Variants in GARNL3 observed in about 807,000 individuals in gnomAD.
The protein encoded by GARNL3 is GTPase activating Rap/RanGAP domain like 3.
In GARNL3, 63 loss-of-function variants were observed where a neutral mutation model predicts 125.0. The observed-to-expected ratio is 0.50, with a 90% confidence interval of 0.41 to 0.62. GARNL3 has a LOEUF of 0.62. Among genes scored for constraint, GARNL3 ranks in the 20% least tolerant of loss-of-function variants. The pLI, the probability that GARNL3 is intolerant of heterozygous loss-of-function variation, is 0.00. For synonymous variants in GARNL3, 439 were observed against 457.5 expected, an observed-to-expected ratio of 0.96 and a Z score of 0.52; for missense variants, 994 against 1,244.0, an observed-to-expected ratio of 0.80 and a Z score of 3.02.
chr9:127,380,743 A>C (rs1832207008), intron 22 of GARNL3, among the ~76,000 whole-genome samples: 1 of 152,258 alleles, frequency 6.6e-6, no homozygotes, highest in African/African-American at 2.4e-5. Flanking sequence ...CCACAGACAC[A>C]GAAGCAAATA....
chr9:127,339,817 C>T, intron 13 of GARNL3, 66 bp downstream of exon 13: 2 of 966,490 alleles, frequency 2.1e-6, no homozygotes, highest in East Asian at 2.4e-5. Context: ...TTCAGATTCT[C>T]CCAGAATGCT....
chr9:127,372,860 T>C (rs1831683821), intron 22 of GARNL3, among the ~76,000 whole-genome samples: 1 of 152,222 alleles, frequency 6.6e-6, no homozygotes, highest in African/African-American at 2.4e-5. Flanking sequence ...CATTTGAATA[T>C]ACTTCCCAGT....
chr9:127,345,293 G>A (rs1830076733), intron 15 of GARNL3, 110 bp from the exon 16 acceptor site: 2 of 594,388 alleles, frequency 3.4e-6, no homozygotes, highest in Non-Finnish European at 5.8e-6. Context: ...AACCCGAAAT[G>A]TTAGCCTGCA....
chr9:127,254,205 A>G lies in GARNL3; in HGVS notation c.144-10747A>G, dbSNP rs182697824. On this transcript the variant is annotated intron_variant, in intron 2 of 10. Coordinates refer to the GARNL3 transcript ENST00000439286. ...CTAATTGAGGAGGTCTAGGGTAGGAACTGGACATTTACTGATTTAGATGAA... is the reference window on the plus strand; with the variant it reads ...CTAATTGAGGAGGTCTAGGGTAGGAGCTGGACATTTACTGATTTAGATGAA... 7.2e-4 allele frequency among the ~76,000 whole-genome samples: 109 copies of G among 152,346 alleles called. 1 individual carries two copies. Among genetic ancestry groups the G allele is most frequent in the African/African-American group, 2.5e-3 (106 of 41,574 alleles).
intron 1 of GARNL3, among the ~76,000 whole-genome samples, chr9:127,228,022 T>C (rs1166553074): frequency 1.3e-5 from 2 of 152,242 alleles, no homozygotes; most frequent in Admixed American, 1.3e-4. Context: ...ATAATACCAC[T>C]AGGTATTAAC....
intron 2 of GARNL3, among the ~76,000 whole-genome samples, chr9:127,309,415 C>G (rs922301148): frequency 1.3e-5 from 2 of 152,196 alleles, no homozygotes; most frequent in African/African-American, 4.8e-5. Flanking sequence ...ATTTAGCACT[C>G]TCTCAATGCA....
chr9:127,359,093 TCCCCCCACCCGCCG>T (rs1247103990), intron 21 of GARNL3, among the ~76,000 whole-genome samples: 1 of 142,946 alleles, frequency 7.0e-6, no homozygotes, highest in Non-Finnish European at 1.5e-5. Context: ...TGCCGCCCAC[TCCCCCCACCCGCCG>T]CCCCCCACTG....
intron 2 of GARNL3, among the ~76,000 whole-genome samples, chr9:127,298,009 TTTATTTGGTTAATAGAA>T: frequency 6.6e-6 from 1 of 152,356 alleles, no homozygotes; most frequent in East Asian, 1.9e-4. Flanking sequence ...GTGTATTGTT[TTTATTTGGTTAATAGAA>T]TTACTCACAC....
chr9:127,260,237 G>A (rs1380651616), upstream of GARNL3, among the ~76,000 whole-genome samples: 2 of 152,190 alleles, frequency 1.3e-5, no homozygotes, highest in Non-Finnish European at 2.9e-5. Context: ...CTTATAAAGA[G>A]TGCTACAGAA....
intron 6 of GARNL3, among the ~76,000 whole-genome samples, chr9:127,321,125 A>T (rs902581816): frequency 6.6e-6 from 1 of 152,164 alleles, no homozygotes; most frequent in Non-Finnish European, 1.5e-5. Flanking sequence ...AATTGTGTGG[A>T]ACATTAAAGA....
Position 127,393,114 on chromosome 9 carries a change from A to G in GARNL3, c.2902A>G (p.Thr968Ala), listed in dbSNP as rs376896242. 22 of 1,607,054 alleles carry G rather than the reference A, an allele frequency of 1.4e-5. No individual in the cohort carries two copies. The highest frequency in any genetic ancestry group is 1.9e-5 in the Non-Finnish European group (22 of 1,174,226). The change falls in exon 28 of 28, where the codon ACT becomes GCT. Residue 968 changes from threonine (T) to alanine (A), a missense_variant. Coordinates refer to ENST00000373387, the MANE Select transcript of GARNL3 (RefSeq NM_032293.5). ...ATCAGGCTCCTTGGAAAGTGCTTCT[A>G]CTTCCGAAGCCAACCCTGAGGGGCA... Reference protein sequence around the residue: ...IPSGSLESASTSEANPEGHSA... With the variant: ...IPSGSLESASASEANPEGHSA...
At chr9:127,369,911 G>A (rs1831515661) in intron 22 of GARNL3, among the ~76,000 whole-genome samples, 1 of 152,166 alleles carries the variant, frequency 6.6e-6, no homozygotes, top group Non-Finnish European at 1.5e-5. Flanking sequence ...GCAAGTCCCT[G>A]CATCTGTGGA....
chr9:127,384,259 G>A lies in GARNL3; in HGVS notation c.2269+714G>A, dbSNP rs1214668950. Among the ~76,000 whole-genome samples the A allele has an allele frequency of 6.6e-6, 1 of 152,180 alleles. No individual in the cohort carries two copies. Among genetic ancestry groups the A allele is most frequent in the African/African-American group, 2.4e-5 (1 of 41,442 alleles). On this transcript the variant is annotated intron_variant, in intron 23 of 27. Coordinates refer to ENST00000373387, the MANE Select transcript of GARNL3 (RefSeq NM_032293.5). This position sits in a 1 kb window ranked among gnomAD's most constrained non-coding sequence, Gnocchi z 4.0. Reference sequence around the variant, plus strand: ...ACCACGTTGCTGGAGGGGCTTGAAAGTCATGGCTGGAGGCATAGATGTGGT... The same window carrying A: ...ACCACGTTGCTGGAGGGGCTTGAAAATCATGGCTGGAGGCATAGATGTGGT...
At chr9:127,301,399 G>A (rs1230595130) in intron 2 of GARNL3, among the ~76,000 whole-genome samples, 1 of 152,122 alleles carries the variant, frequency 6.6e-6, no homozygotes, top group Admixed American at 6.5e-5. Flanking sequence ...ATGTGCTGGT[G>A]TTTAGCTGTG....
At chr9:127,380,147 C>G (rs183954759) in intron 22 of GARNL3, among the ~76,000 whole-genome samples, 1 of 151,790 alleles carries the variant, frequency 6.6e-6, no homozygotes, top group Admixed American at 6.6e-5. Context: ...GAGCCAAAAT[C>G]GCGCCACCGC....
upstream of GARNL3, chr9:127,264,526 A>G: frequency 3.0e-6 from 3 of 1,008,492 alleles, no homozygotes; most frequent in Non-Finnish European, 3.5e-6. Flanking sequence ...TTTATGTTGC[A>G]TATTTGGGAC....
At chr9:127,271,647 G>A (rs528774810) in intron 1 of GARNL3, among the ~76,000 whole-genome samples, 4 of 150,438 alleles carry the variant, frequency 2.7e-5, no homozygotes, top group South Asian at 4.1e-4. Context: ...GCACAAGATT[G>A]TTTGTAGCTT....
chr9:127,277,347 T>C (rs1348697926), intron 1 of GARNL3, among the ~76,000 whole-genome samples: 1 of 151,412 alleles, frequency 6.6e-6, no homozygotes, highest in African/African-American at 2.4e-5. Flanking sequence ...TGGCACTTTC[T>C]CTTGCTCTCC....
chr9:127,332,433 G>C, intron 8 of GARNL3, 84 bp downstream of exon 8: 1 of 1,077,114 alleles, frequency 9.3e-7, no homozygotes. Flanking sequence ...TAACTTGTCT[G>C]TTGAGTTGGA....
Sources: allele counts gnomAD v4.1 joint callset (sites outside exome capture counted in the v4.1 genomes callset), GRCh38; gene constraint gnomAD v4.1.1; non-coding constraint Gnocchi (gnomAD v3.1); transcripts MANE v1.5; gene names NCBI Gene and HGNC (gene_info 2026-07-23, HGNC 2026-07-21).